CNTN1: variants seen among roughly 807,000 people sequenced by gnomAD.
The protein encoded by CNTN1 is contactin-1.
Under a neutral mutation model 126.4 loss-of-function variants are expected in CNTN1, and 38 were observed. The observed-to-expected ratio is 0.30, with a 90% CI of 0.23 to 0.39. The LOEUF (loss-of-function observed/expected upper bound fraction) is 0.39, where lower values mean the gene tolerates loss of function less well. Among genes scored for constraint, CNTN1 ranks in the 10% least tolerant of loss-of-function variants. The pLI is 1.00. For missense variants in CNTN1, 1,009 were observed against 1,248.4 expected (o/e 0.81, Z 2.89); for synonymous variants, 413 against 422.6 (o/e 0.98, Z 0.28).
chr12:40,913,194 T>C (rs879801678), intron 3 of CNTN1, among the ~76,000 whole-genome samples: 5 of 152,212 alleles, frequency 3.3e-5, no homozygotes, highest in Non-Finnish European at 5.9e-5. Context: ...ACTTTGTATG[T>C]TTAGTTATAA....
At chr12:40,967,029 C>T (rs921396773) in intron 15 of CNTN1, among the ~76,000 whole-genome samples, 1 of 151,936 alleles carries the variant, frequency 6.6e-6, no homozygotes, top group Admixed American at 6.6e-5. Context: ...TTAGTGTGTA[C>T]CCATGGCTCC....
At chr12:40,920,023 C>T (rs907404297) in intron 4 of CNTN1, among the ~76,000 whole-genome samples, 1 of 152,104 alleles carries the variant, frequency 6.6e-6, no homozygotes, top group Non-Finnish European at 1.5e-5. Context: ...AATTTGCTTG[C>T]TCAAGAACTA....
intron 1 of CNTN1, among the ~76,000 whole-genome samples, chr12:40,778,159 T>C (rs1253875067): frequency 6.6e-6 from 1 of 151,870 alleles, no homozygotes; most frequent in African/African-American, 2.4e-5. Context: ...TACCTGAATG[T>C]TGGACAAAAC....
intron 6 of CNTN1, among the ~76,000 whole-genome samples, chr12:40,925,925 A>G (rs1010286164): frequency 1.3e-5 from 2 of 149,230 alleles, no homozygotes; most frequent in African/African-American, 4.9e-5. Flanking sequence ...CAAAGTAATG[A>G]CCAAAACTAT....
At chr12:40,804,818 A>G (rs1211384075) in intron 1 of CNTN1, among the ~76,000 whole-genome samples, 1 of 152,024 alleles carries the variant, frequency 6.6e-6, no homozygotes, top group Non-Finnish European at 1.5e-5. Context: ...TTACTTGTAA[A>G]TCAGGTGCAT....
At chr12:40,928,925 C>G (rs916290136) in intron 6 of CNTN1, among the ~76,000 whole-genome samples, 1 of 151,982 alleles carries the variant, frequency 6.6e-6, no homozygotes, top group African/African-American at 2.4e-5. Context: ...AAAATCCTAT[C>G]TAGTCTGACC....
intron 1 of CNTN1, among the ~76,000 whole-genome samples, chr12:40,839,673 A>T (rs1004650349): frequency 6.6e-6 from 1 of 152,180 alleles, no homozygotes; most frequent in Non-Finnish European, 1.5e-5. Context: ...CAGCAAAATT[A>T]TCCTTCATTA....
Position 40,959,219 on chromosome 12 carries a change from G to A in CNTN1, c.1789G>A (p.Asp597Asn). 6.2e-7 allele frequency: 1 copy of A among 1,612,604 alleles called. No homozygotes were observed. The highest frequency in any genetic ancestry group is 8.5e-7 in the Non-Finnish European group (1 of 1,179,058). Reference sequence around the variant, plus strand: ...TGTGGACAATTCTTCAGCTTCAGCTGACCTTGTAGTGAGAGGTAAGAGTTT... The same window carrying A: ...TGTGGACAATTCTTCAGCTTCAGCTAACCTTGTAGTGAGAGGTAAGAGTTT... ...TIVDNSSASADLVVRGPPGPP... is the reference protein window; with the variant it reads ...TIVDNSSASANLVVRGPPGPP... Residue 597 changes from aspartate to asparagine, a missense_variant, in exon 15 of 24, where the codon GAC (aspartate) becomes AAC (asparagine). Asp to Asn is a conservative substitution (Grantham distance 23). Transcript: ENST00000551295.
At chr12:40,893,002 ATATT>A (rs1944295989) in intron 1 of CNTN1, among the ~76,000 whole-genome samples, 1 of 152,078 alleles carries the variant, frequency 6.6e-6, no homozygotes, top group African/African-American at 2.4e-5. Context: ...AAACATAAAA[ATATT>A]TATTAAAATA....
chr12:41,043,518 T>C (rs998420996), intron 23 of CNTN1, among the ~76,000 whole-genome samples: 35 of 152,146 alleles, frequency 2.3e-4, no homozygotes, highest in African/African-American at 5.8e-4. Flanking sequence ...GGAGAGGATA[T>C]GGAGAAATAG....
chr12:40,845,877 A>G (rs963145041), intron 1 of CNTN1, among the ~76,000 whole-genome samples: 3 of 152,198 alleles, frequency 2.0e-5, no homozygotes, highest in Non-Finnish European at 4.4e-5. Flanking sequence ...GTAAATGTAA[A>G]GAAAGTGTCA....
intron 23 of CNTN1, among the ~76,000 whole-genome samples, chr12:41,038,738 G>T (rs1949327242): frequency 1.3e-5 from 2 of 152,012 alleles, no homozygotes; most frequent in African/African-American, 4.8e-5. Context: ...TTAAAGCGAG[G>T]AGGCAAAATA....
intron 17 of CNTN1, among the ~76,000 whole-genome samples, chr12:41,011,067 T>C (rs1948640413): frequency 6.6e-6 from 1 of 152,224 alleles, no homozygotes; most frequent in Admixed American, 6.5e-5. Flanking sequence ...CATCTCTCCG[T>C]GTGTGGTGAA....
intron 21 of CNTN1, among the ~76,000 whole-genome samples, chr12:41,026,992 G>C (rs1218329061): frequency 6.6e-6 from 1 of 152,154 alleles, no homozygotes; most frequent in Non-Finnish European, 1.5e-5. Context: ...CAATGAGTGG[G>C]ATGAGAGACT....
At chr12:40,833,224 A>G (rs1423700078) in intron 1 of CNTN1, among the ~76,000 whole-genome samples, 2 of 152,118 alleles carry the variant, frequency 1.3e-5, no homozygotes, top group African/African-American at 4.8e-5. Context: ...CCTCCCGAGT[A>G]GCTGGGATTA....
intron 1 of CNTN1, among the ~76,000 whole-genome samples, chr12:40,886,275 C>T: frequency 6.6e-6 from 1 of 152,054 alleles, no homozygotes; most frequent in Non-Finnish European, 1.5e-5. Context: ...AAAAAACAGA[C>T]CAGACAGCGA....
chr12:40,694,545 A>G (rs761994481), intron 1 of CNTN1, among the ~76,000 whole-genome samples: 2 of 152,182 alleles, frequency 1.3e-5, no homozygotes, highest in Non-Finnish European at 2.9e-5. Context: ...GCTTCCCAGG[A>G]TTTTTGGTCC....
chr12:40,803,516 A>G (rs1400849849), intron 1 of CNTN1, among the ~76,000 whole-genome samples: 1 of 151,984 alleles, frequency 6.6e-6, no homozygotes, highest in Admixed American at 6.6e-5. Context: ...CTCAAACTAG[A>G]TCTTGCTTAG....
intron 11 of CNTN1, among the ~76,000 whole-genome samples, chr12:40,938,671 A>AT (rs1171734316): frequency 3.9e-5 from 6 of 152,160 alleles, no homozygotes; most frequent in Admixed American, 6.5e-5. Flanking sequence ...ATGCTGGTCA[A>AT]TTTTTTCCAG....
Sources: gnomAD v4.1 joint callset for allele counts (sites outside exome capture counted in the v4.1 genomes callset) on GRCh38, gnomAD v4.1.1 for gene constraint, MANE v1.5 for transcripts, NCBI Gene and HGNC (gene_info 2026-07-23, HGNC 2026-07-21) for gene names.